Variants in MYO1D observed in about 807,000 individuals in gnomAD.
MYO1D encodes unconventional myosin-Id.
In MYO1D, 83 loss-of-function variants were observed where a neutral mutation model predicts 122.0. The ratio of observed to expected loss-of-function variants is 0.68; its 90% CI spans 0.57 to 0.82. The LOEUF is 0.82. Among genes scored for constraint, MYO1D ranks in the 40% least tolerant of loss-of-function variants. The pLI is 0.00. For missense variants in MYO1D, 1,157 were observed against 1,269.5 expected (o/e 0.91, Z 1.35); for synonymous variants, 464 against 446.9 (o/e 1.04, Z -0.48).
chr17:32,593,366 A>C (rs1016311955), intron 21 of MYO1D, among the ~76,000 whole-genome samples: 1 of 152,198 alleles, frequency 6.6e-6, no homozygotes, highest in Non-Finnish European at 1.5e-5. Flanking sequence ...TCCTCCAGAG[A>C]GCCCCAGTAG....
At chr17:32,544,237 A>T (rs9889843) in intron 21 of MYO1D, among the ~76,000 whole-genome samples, 12,786 of 150,634 alleles carry the variant, frequency 0.085, 1,703 homozygotes, top group African/African-American at 0.28. Flanking sequence ...CTGAGACTAC[A>T]GGTGTGCACT....
At chr17:32,558,254 T>C (rs1315842545) in intron 21 of MYO1D, among the ~76,000 whole-genome samples, 1 of 152,128 alleles carries the variant, frequency 6.6e-6, no homozygotes, top group East Asian at 1.9e-4. Flanking sequence ...ATGGAAACAA[T>C]TTATTTCTGA....
intron 15 of MYO1D, 21 bp from the exon 16 acceptor site, chr17:32,712,216 G>C: frequency 6.3e-7 from 1 of 1,595,356 alleles, no homozygotes; most frequent in Non-Finnish European, 8.6e-7. Context: ...AAAAGAAACA[G>C]GGTTAAGGGA....
At chr17:32,872,282 ATTTAT>A (rs2091186203) in intron 1 of MYO1D, among the ~76,000 whole-genome samples, 1 of 151,872 alleles carries the variant, frequency 6.6e-6, no homozygotes, top group Admixed American at 6.6e-5. Context: ...TTATTTATTT[ATTTAT>A]TTTGAGACGG....
chr17:32,845,369 T>A (rs1294204760), intron 1 of MYO1D, among the ~76,000 whole-genome samples: 1 of 152,178 alleles, frequency 6.6e-6, no homozygotes, highest in Non-Finnish European at 1.5e-5. Context: ...GTAATAGGAC[T>A]GAGATTATCA....
intron 21 of MYO1D, among the ~76,000 whole-genome samples, chr17:32,524,552 G>A (rs1178866502): frequency 1.4e-5 from 2 of 146,574 alleles, no homozygotes; most frequent in East Asian, 2.0e-4. Context: ...GTGCCATCAT[G>A]CCTGATTAAT....
At chr17:32,758,671 T>C (rs1014834361) in intron 10 of MYO1D, among the ~76,000 whole-genome samples, 1 of 152,168 alleles carries the variant, frequency 6.6e-6, no homozygotes, top group Non-Finnish European at 1.5e-5. Flanking sequence ...TACTGTACTA[T>C]AGTCTGTCTT....
intron 16 of MYO1D, among the ~76,000 whole-genome samples, chr17:32,661,155 AG>A (rs960757307): frequency 3.9e-5 from 6 of 152,200 alleles, no homozygotes; most frequent in African/African-American, 1.2e-4. Flanking sequence ...TACTTTATAA[AG>A]GGGGTCTTTT....
intron 1 of MYO1D, among the ~76,000 whole-genome samples, chr17:32,864,998 T>C (rs968725375): frequency 6.6e-6 from 1 of 152,200 alleles, no homozygotes; most frequent in Non-Finnish European, 1.5e-5. Flanking sequence ...GAATTGTTTA[T>C]AGGTTTTTGT....
At chr17:32,521,926 A>G (rs1026588051) in intron 21 of MYO1D, among the ~76,000 whole-genome samples, 3 of 152,078 alleles carry the variant, frequency 2.0e-5, no homozygotes, top group African/African-American at 7.2e-5. Context: ...TACCAAAAAT[A>G]CAAAAATTAG....
chr17:32,519,961 CTA>C (rs1567875171), intron 21 of MYO1D, among the ~76,000 whole-genome samples: 1 of 150,342 alleles, frequency 6.7e-6, no homozygotes, highest in East Asian at 2.0e-4. Flanking sequence ...GGAGAAAGGG[CTA>C]CCCCCGCAGC....
chr17:32,837,843 C>T (rs541775565), intron 1 of MYO1D, among the ~76,000 whole-genome samples: 15 of 152,208 alleles, frequency 9.9e-5, no homozygotes, highest in Admixed American at 6.5e-4. Flanking sequence ...CTAGTAAAAT[C>T]GAAATTACTT....
intron 1 of MYO1D, among the ~76,000 whole-genome samples, chr17:32,839,921 A>G (rs1215570001): frequency 2.6e-5 from 4 of 152,230 alleles, no homozygotes; most frequent in African/African-American, 9.6e-5. Flanking sequence ...CCAAAAAGAC[A>G]TAGTTCTCAT....
At chr17:32,555,809 C>T (rs2087063497) in intron 21 of MYO1D, among the ~76,000 whole-genome samples, 1 of 152,166 alleles carries the variant, frequency 6.6e-6, no homozygotes, top group Non-Finnish European at 1.5e-5. Flanking sequence ...CTTTCAATTC[C>T]TCAAGCATAC....
At chr17:32,603,829 T>G (rs1158208946) in intron 21 of MYO1D, among the ~76,000 whole-genome samples, 3 of 152,196 alleles carry the variant, frequency 2.0e-5, no homozygotes, top group Non-Finnish European at 4.4e-5. Context: ...CTGGCCACAT[T>G]CTAAACTTTT....
intron 7 of MYO1D, 95 bp downstream of exon 7, chr17:32,767,541 T>C (rs2151020718): frequency 2.7e-6 from 2 of 754,076 alleles, no homozygotes; most frequent in Non-Finnish European, 4.2e-6. Flanking sequence ...TTTCTCTGAA[T>C]ACTTTTTAAA....
intron 12 of MYO1D, among the ~76,000 whole-genome samples, chr17:32,748,199 C>A (rs897454188): frequency 2.6e-5 from 4 of 152,088 alleles, no homozygotes; most frequent in African/African-American, 9.7e-5. Flanking sequence ...AATAAAAATA[C>A]GGCTAGTAAG....
chr17:32,875,702 T>C (rs1215870887), intron 1 of MYO1D, among the ~76,000 whole-genome samples: 1 of 152,192 alleles, frequency 6.6e-6, no homozygotes, highest in African/African-American at 2.4e-5. Flanking sequence ...GATTGACCCC[T>C]GTCAACTGGA....
At chr17:32,738,015 T>A (rs1486948392) in intron 14 of MYO1D, among the ~76,000 whole-genome samples, 1 of 152,228 alleles carries the variant, frequency 6.6e-6, no homozygotes, top group African/African-American at 2.4e-5. Context: ...CCCTTGACCA[T>A]GACAGTAGAA....
Sources: allele counts gnomAD v4.1 joint callset (sites outside exome capture counted in the v4.1 genomes callset), GRCh38; gene constraint gnomAD v4.1.1; transcripts MANE v1.5; gene names NCBI Gene and HGNC (gene_info 2026-07-23, HGNC 2026-07-21).